The following WDR7 variants were observed in gnomAD, a reference collection of about 807,000 sequenced individuals.
The protein encoded by WDR7 is WD repeat-containing protein 7.
WDR7 carries 46 observed loss-of-function variants against 169.4 expected under a neutral mutation model. The observed-to-expected ratio is 0.27, with a 90% CI of 0.21 to 0.35. The LOEUF (loss-of-function observed/expected upper bound fraction) is 0.35. Ranked by LOEUF, WDR7 falls within the 10% of genes least tolerant of loss-of-function variation. WDR7 has a pLI of 1.00. For synonymous variants in WDR7, 612 were observed against 666.8 expected (o/e 0.92, Z 1.27); for missense variants, 1,534 against 1,859.3 (o/e 0.83, Z 3.22).
intron 21 of WDR7, among the ~76,000 whole-genome samples, chr18:56,901,836 A>G (rs969112409): frequency 1.3e-5 from 2 of 152,066 alleles, no homozygotes; most frequent in Non-Finnish European, 1.5e-5. Context: ...AAAATGTTGG[A>G]GTGCCATCCA....
chr18:56,933,147 G>C (rs951680246), intron 22 of WDR7, among the ~76,000 whole-genome samples: 7 of 152,132 alleles, frequency 4.6e-5, no homozygotes, highest in Non-Finnish European at 7.3e-5. Context: ...TTAGCACCTA[G>C]GGAGAAGTAT....
chr18:56,685,520 T>G (rs2025426347), intron 5 of WDR7, among the ~76,000 whole-genome samples: 1 of 152,078 alleles, frequency 6.6e-6, no homozygotes, highest in African/African-American at 2.4e-5. Context: ...GATCACACTC[T>G]GGGGAGGGTG....
chr18:57,019,761 G>A, intron 26 of WDR7, among the ~76,000 whole-genome samples: 1 of 151,988 alleles, frequency 6.6e-6, no homozygotes, highest in Non-Finnish European at 1.5e-5. Context: ...GAGACTCAGG[G>A]CTCACAATTC....
In WDR7 at chr18:56,881,447, C is replaced by A. The variant is rs115315410; in HGVS notation, c.3526+1282C>A. Among the ~76,000 whole-genome samples, 850 of 152,138 alleles carry A rather than the reference C, an allele frequency of 5.6e-3. 11 individuals are homozygous for A. The highest frequency in any genetic ancestry group is 0.019 in the African/African-American group (807 of 41,508). ...GTGGGGCATAGAGAGGTTTAGTTAACCTGGCAAGGATCATACCTCTGGGAA... is the reference window on the plus strand; with the variant it reads ...GTGGGGCATAGAGAGGTTTAGTTAAACTGGCAAGGATCATACCTCTGGGAA... On this transcript the variant is annotated intron_variant, in intron 21 of 27. Transcript: ENST00000254442.
downstream of WDR7, chr18:57,031,116 T>C (rs777585981): frequency 2.6e-5 from 4 of 152,240 alleles, no homozygotes; most frequent in Non-Finnish European, 5.9e-5. Context: ...TTTGAGTGGT[T>C]ACATTGTTTT....
At chr18:56,722,854 T>C (rs974107287) in intron 13 of WDR7, among the ~76,000 whole-genome samples, 1 of 152,134 alleles carries the variant, frequency 6.6e-6, no homozygotes, top group Non-Finnish European at 1.5e-5. Flanking sequence ...TATGGCCATA[T>C]TTTTCCATAC....
chr18:56,820,659 CAT>C (rs1195870817), intron 20 of WDR7, among the ~76,000 whole-genome samples: 25 of 152,162 alleles, frequency 1.6e-4, no homozygotes, highest in African/African-American at 6.0e-4. Flanking sequence ...GTTGTACAGA[CAT>C]ATATTTTAAA....
intron 13 of WDR7, among the ~76,000 whole-genome samples, chr18:56,723,785 A>G (rs1178243339): frequency 6.6e-6 from 1 of 151,338 alleles, no homozygotes; most frequent in Non-Finnish European, 1.5e-5. Flanking sequence ...TCTCCCCTCC[A>G]TTTTCTTTTC....
At chr18:56,899,262 TAG>T (rs929464279) in intron 21 of WDR7, among the ~76,000 whole-genome samples, 2 of 152,006 alleles carry the variant, frequency 1.3e-5, no homozygotes, top group African/African-American at 4.8e-5. Context: ...GGTCTTGGAA[TAG>T]AGAGTATATT....
chr18:56,749,373 AGTGT>A lies in WDR7; in HGVS notation c.1990-7201_1990-7198del, dbSNP rs921426740. Reference sequence around the variant, plus strand: ...GACTCAAAGTATTAATATCTATAGAAGTGTGTGTGTGTTTGTGTGTGTGTGTGTG... The same window carrying A: ...GACTCAAAGTATTAATATCTATAGAAGTGTGTGTTTGTGTGTGTGTGTGTG... On this transcript the variant is annotated intron_variant, in intron 14 of 27. Coordinates refer to ENST00000254442, the MANE Select transcript of WDR7 (RefSeq NM_015285.3). Among the ~76,000 whole-genome samples, 4 of 127,154 alleles carry A rather than the reference AGTGT, an allele frequency of 3.1e-5. No individual in the cohort carries two copies. In the East Asian group the frequency reaches 6.5e-4, roughly 21 times the overall value. 83.4% of individuals were successfully genotyped at this position (127,154 alleles called of 152,430 possible).
chr18:56,785,574 G>A (rs1568193628), intron 19 of WDR7, among the ~76,000 whole-genome samples: 1 of 152,136 alleles, frequency 6.6e-6, no homozygotes, highest in Non-Finnish European at 1.5e-5. Context: ...AGAGCAGAAT[G>A]GCATACTGGG....
At chr18:56,657,783 T>C (rs1023313158) in intron 1 of WDR7, among the ~76,000 whole-genome samples, 1 of 152,244 alleles carries the variant, frequency 6.6e-6, no homozygotes, top group Non-Finnish European at 1.5e-5. Flanking sequence ...ACATCATGAC[T>C]GCATTCAGAA....
In WDR7 at chr18:56,924,126, T is replaced by C; in HGVS notation, c.3713+18T>C. The C allele has an allele frequency of 6.2e-7, 1 of 1,606,416 alleles. No individual in the cohort carries two copies. Among genetic ancestry groups the C allele is most frequent in the Non-Finnish European group, 8.5e-7 (1 of 1,177,984 alleles). ...CTTGCCAAGTATGTGTGGATTCCGGTTAATTTAATTTGTCACTGTTTTTTG... is the reference window on the plus strand; with the variant it reads ...CTTGCCAAGTATGTGTGGATTCCGGCTAATTTAATTTGTCACTGTTTTTTG... On this transcript the variant is annotated intron_variant, in intron 22 of 27. Transcript: ENST00000254442.
chr18:57,014,190 A>G (rs1346224716), intron 26 of WDR7, among the ~76,000 whole-genome samples: 2 of 151,698 alleles, frequency 1.3e-5, no homozygotes, highest in Non-Finnish European at 2.9e-5. Context: ...GCTGGGCGTC[A>G]TGGCATGCAC....
chr18:56,856,545 A>G (rs1035219966), intron 20 of WDR7, among the ~76,000 whole-genome samples: 1 of 152,008 alleles, frequency 6.6e-6, no homozygotes, highest in Non-Finnish European at 1.5e-5. Context: ...AAAAAAATAA[A>G]TAAATAAATA....
rs2046205362 is a variant in WDR7 at position 56,886,971 on chromosome 18, A to G, written c.3526+6806A>G. On this transcript the variant is annotated intron_variant, in intron 21 of 27. Coordinates refer to ENST00000254442, the MANE Select transcript of WDR7 (RefSeq NM_015285.3). ...ACCTAACACTGGAGCTCCCAAATTT[A>G]TAAAACAATTACTACTAGAACTAAG... is the stretch of plus-strand genomic sequence containing the variant. Among the ~76,000 whole-genome samples, 5 of 152,322 alleles carry G rather than the reference A, an allele frequency of 3.3e-5. No homozygotes were observed. In the South Asian group the frequency reaches 6.2e-4, roughly 19 times the overall value.
At chr18:57,024,880 G>A (rs12963068) in intron 27 of WDR7, among the ~76,000 whole-genome samples, 803 of 7,780 alleles carry the variant, frequency 0.1, 88 homozygotes, top group Middle Eastern at 0.25. Context: ...CTATTCTCAG[G>A]CAGGAATAGG....
chr18:56,927,763 A>G (rs570438459), intron 22 of WDR7, among the ~76,000 whole-genome samples: 4 of 152,242 alleles, frequency 2.6e-5, no homozygotes, highest in South Asian at 2.1e-4. Flanking sequence ...TTAATCAAGC[A>G]TATTGTATAA....
chr18:56,844,850 C>T (rs1455606931), intron 20 of WDR7, among the ~76,000 whole-genome samples: 2 of 152,132 alleles, frequency 1.3e-5, no homozygotes, highest in Admixed American at 1.3e-4. Flanking sequence ...TCCTTATCTG[C>T]AGTTTCAGTT....
Sources: allele counts gnomAD v4.1 joint callset (sites outside exome capture counted in the v4.1 genomes callset), GRCh38; gene constraint gnomAD v4.1.1; transcripts MANE v1.5; gene names NCBI Gene and HGNC (gene_info 2026-07-23, HGNC 2026-07-21).